The following COL1A2 variants were observed in gnomAD, a reference collection of about 807,000 sequenced individuals.
COL1A2 encodes the protein collagen type I alpha 2 chain.
A neutral mutation model predicts 174.3 loss-of-function variants in COL1A2; 49 were observed. That is an observed-to-expected ratio of 0.28 (90% CI 0.22 to 0.36). The LOEUF is 0.36. Ranked by LOEUF, COL1A2 falls within the 10% of genes least tolerant of loss-of-function variation. The pLI, the probability that COL1A2 is intolerant of heterozygous loss-of-function variation, is 1.00. For missense variants in COL1A2, 1,438 were observed against 1,822.7 expected, an observed-to-expected ratio of 0.79 and a Z score of 3.84; for synonymous variants, 655 against 606.6, an observed-to-expected ratio of 1.08 and a Z score of -1.17.
chr7:94,411,942 A>G (rs1009858690), intron 23 of COL1A2, 126 bp from the exon 24 acceptor site: 1 of 756,294 alleles, frequency 1.3e-6, no homozygotes, highest in Non-Finnish European at 2.3e-6. Flanking sequence ...AATATTCCTA[A>G]TGATTTACCC....
At chr7:94,408,099 T>C in intron 13 of COL1A2, 84 bp from the exon 14 acceptor site, 1 of 1,439,794 alleles carries the variant, frequency 6.9e-7, no homozygotes, top group Non-Finnish European at 9.7e-7. Flanking sequence ...CTTGTACAGG[T>C]TGGAAACTGA....
At chr7:94,421,359 AC>A (rs749373541) in intron 38 of COL1A2, 17 of 475,520 alleles carry the variant, frequency 3.6e-5, no homozygotes, top group African/African-American at 5.9e-5. Flanking sequence ...CTTCTGCCTG[AC>A]CATGTCCTTC....
chr7:94,417,249 C>T (rs941511140), intron 31 of COL1A2, among the ~76,000 whole-genome samples: 1 of 152,144 alleles, frequency 6.6e-6, no homozygotes, highest in African/African-American at 2.4e-5. Context: ...AGCTAGTCAA[C>T]AGGTTTTAAG....
intron 6 of COL1A2, among the ~76,000 whole-genome samples, chr7:94,402,826 G>A (rs1312787774): frequency 6.6e-6 from 1 of 152,094 alleles, no homozygotes; most frequent in Non-Finnish European, 1.5e-5. Flanking sequence ...TTCAAAAGAA[G>A]ATGTTCTGCT....
intron 6 of COL1A2, among the ~76,000 whole-genome samples, chr7:94,402,508 C>T (rs978214784): frequency 1.6e-4 from 24 of 151,762 alleles, no homozygotes; most frequent in African/African-American, 4.8e-4. Context: ...GAAACATTCC[C>T]TATATGATGA....
At chr7:94,402,712 G>C (rs1289356450) in intron 6 of COL1A2, among the ~76,000 whole-genome samples, 1 of 152,062 alleles carries the variant, frequency 6.6e-6, no homozygotes, top group Non-Finnish European at 1.5e-5. Flanking sequence ...ACGCAATTTA[G>C]TGATTTTAAT....
At position 94,421,346 on chromosome 7, in the gene COL1A2, C is replaced by G. The variant is rs148333642; in HGVS notation, c.2349+284C>G. On this transcript the variant is annotated intron_variant, in intron 38 of 51. Coordinates refer to ENST00000297268, the MANE Select transcript of COL1A2 (RefSeq NM_000089.4). ...CCTTTTGGCGTTTATTAATATGCCCCTTCTTCTGCCTGACCATGTCCTTCT... is the reference window on the plus strand; with the variant it reads ...CCTTTTGGCGTTTATTAATATGCCCGTTCTTCTGCCTGACCATGTCCTTCT... 734 of 494,188 alleles carry G rather than the reference C, an allele frequency of 1.5e-3. 4 individuals carry two copies. The highest frequency in any genetic ancestry group is 0.013 in the African/African-American group (678 of 51,586). The allele number at this position is 494,188 out of a possible 1,614,324, so 30.6% of individuals were successfully genotyped here.
intron 19 of COL1A2, among the ~76,000 whole-genome samples, 156 bp downstream of exon 19, chr7:94,409,977 G>A (rs144258737): frequency 1.4e-4 from 22 of 151,960 alleles, no homozygotes; most frequent in African/African-American, 4.3e-4. Flanking sequence ...GTACACTCCC[G>A]TCTGCTATAT....
At chr7:94,418,094 T>C (rs1385743011) in intron 32 of COL1A2, among the ~76,000 whole-genome samples, 1 of 152,214 alleles carries the variant, frequency 6.6e-6, no homozygotes, top group African/African-American at 2.4e-5. Flanking sequence ...CAATAATGCC[T>C]CATCCTGTCC....
chr7:94,419,250 CA>C (rs1168894497), intron 33 of COL1A2, among the ~76,000 whole-genome samples: 1 of 151,512 alleles, frequency 6.6e-6, no homozygotes. Context: ...TCAGATCTCC[CA>C]AATTTCTGAC....
chr7:94,400,753 C>T (rs1791674065), intron 5 of COL1A2, among the ~76,000 whole-genome samples: 1 of 152,154 alleles, frequency 6.6e-6, no homozygotes, highest in African/African-American at 2.4e-5. Flanking sequence ...AAGTACATTT[C>T]CCTTTTTCAT....
rs745413783 is a variant in COL1A2 at position 94,429,268 on chromosome 7, C to T, written c.3792C>T (p.Ala1264=). ...LAFMRLLANY[A]SQNITYHCKN... The stretch of plus-strand genomic sequence containing the variant: ...TCATGCGCCTGCTGGCCAACTATGC[C>T]TCTCAGAACATCACCTACCACTGCA... Residue 1264 remains alanine, a synonymous_variant, in exon 51 of 52, where the codon GCC becomes GCT. Coordinates refer to ENST00000297268, the MANE Select transcript of COL1A2 (RefSeq NM_000089.4). 132 of 1,613,916 alleles carry T rather than the reference C, an allele frequency of 8.2e-5. No homozygotes were observed. The highest frequency in any genetic ancestry group is 1.6e-4 in the Middle Eastern group (1 of 6,084).
chr7:94,425,793 C>T lies in COL1A2; in HGVS notation c.2879C>T (p.Ala960Val), dbSNP rs1482901474. 6.8e-6 allele frequency: 11 copies of T among 1,613,082 alleles called. No homozygotes were observed. Among genetic ancestry groups the T allele is most frequent in the Non-Finnish European group, 9.3e-6 (11 of 1,179,592 alleles). The part of the protein sequence containing the change: ...YPGNIGPVGA[A>V]GAPGPHGPVG... Reference sequence around the variant, plus strand: ...GGCAATATTGGTCCCGTTGGTGCTGCAGGTGCACCTGGTCCTCATGGCCCC... The same window carrying T: ...GGCAATATTGGTCCCGTTGGTGCTGTAGGTGCACCTGGTCCTCATGGCCCC... The change falls in exon 44 of 52, where the codon GCA becomes GTA. Residue 960 changes from alanine (A) to valine (V), a missense_variant. Ala to Val is a moderately conservative substitution (Grantham distance 64, BLOSUM62 0). Coordinates refer to ENST00000297268, the MANE Select transcript of COL1A2 (RefSeq NM_000089.4).
In COL1A2 at chr7:94,406,113, C is replaced by T. The variant is rs900135272; in HGVS notation, c.541-137C>T. 4.8e-5 allele frequency: 42 copies of T among 867,700 alleles called. No homozygotes were observed. The South Asian group carries it at 5.3e-4, about 11-fold the overall frequency. The allele number at this position is 867,700 out of a possible 1,614,324, so 53.8% of individuals were successfully genotyped here. A position where few individuals can be genotyped will look rare whatever the true frequency, so the allele number is the denominator to read the frequency against. On this transcript the variant is annotated intron_variant, in intron 11 of 51. Coordinates refer to ENST00000297268, the MANE Select transcript of COL1A2 (RefSeq NM_000089.4). Reference sequence around the variant, plus strand: ...GGCAATAGACTGAGTTTGCTGGGACCTGGAACACTGGACTTCTTTCTACTG... The same window carrying T: ...GGCAATAGACTGAGTTTGCTGGGACTTGGAACACTGGACTTCTTTCTACTG...
intron 41 of COL1A2, 162 bp downstream of exon 41, chr7:94,424,605 T>A (rs1792236218): frequency 3.1e-6 from 2 of 645,372 alleles, no homozygotes; most frequent in East Asian, 5.6e-5. Context: ...GAAGCTTTAA[T>A]ACCACCTTAC....
intron 3 of COL1A2, 112 bp from the exon 4 acceptor site, chr7:94,398,937 C>T: frequency 1.0e-6 from 1 of 980,012 alleles, no homozygotes; most frequent in Non-Finnish European, 1.7e-6. Flanking sequence ...TATCTAATAA[C>T]ATTGTAGTTA....
chr7:94,407,829 C>T lies in COL1A2; in HGVS notation c.595-18C>T. 6.2e-7 allele frequency: 1 copy of T among 1,613,004 alleles called. No homozygotes were observed. The highest frequency in any genetic ancestry group is 1.1e-5 in the South Asian group (1 of 90,884). On this transcript the variant is annotated intron_variant, in intron 12 of 51. Coordinates refer to ENST00000297268, the MANE Select transcript of COL1A2 (RefSeq NM_000089.4). ...TTGTTATATTTAATGAACAAAAACTCAATCCTTCTCCATGTAGGGTGAACC... is the reference window on the plus strand; with the variant it reads ...TTGTTATATTTAATGAACAAAAACTTAATCCTTCTCCATGTAGGGTGAACC...
intron 30 of COL1A2, 32 bp downstream of exon 30, chr7:94,415,302 C>T (rs769090002): frequency 6.2e-7 from 1 of 1,606,476 alleles, no homozygotes; most frequent in African/African-American, 1.3e-5. Flanking sequence ...TTCATAAACT[C>T]TGGCAATGTG....
intron 39 of COL1A2, among the ~76,000 whole-genome samples, chr7:94,422,252 C>G (rs1198473541): frequency 6.6e-6 from 1 of 150,560 alleles, no homozygotes; most frequent in African/African-American, 2.4e-5. Context: ...ATTTCTATAT[C>G]TAATTATCCT....
Sources: gnomAD v4.1 joint callset for allele counts (sites outside exome capture counted in the v4.1 genomes callset) on GRCh38, gnomAD v4.1.1 for gene constraint, MANE v1.5 for transcripts, NCBI Gene and HGNC (gene_info 2026-07-23, HGNC 2026-07-21) for gene names.